Variants in PTPRM observed in about 807,000 individuals in gnomAD.
The protein encoded by PTPRM is receptor-type tyrosine-protein phosphatase mu.
A neutral mutation model predicts 186.7 loss-of-function variants in PTPRM; 47 were observed. The observed-to-expected ratio is 0.25, with a 90% CI of 0.20 to 0.32. The LOEUF (loss-of-function observed/expected upper bound fraction) is 0.32, where lower values mean the gene tolerates loss of function less well. Among genes scored for constraint, PTPRM ranks in the 10% least tolerant of loss-of-function variants. The pLI is 1.00. For missense variants in PTPRM, 1,494 were observed against 1,865.0 expected (o/e 0.80, Z 3.66); for synonymous variants, 668 against 674.9 (o/e 0.99, Z 0.16).
chr18:7,830,063 C>A (rs2045682318), intron 2 of PTPRM, among the ~76,000 whole-genome samples: 1 of 152,158 alleles, frequency 6.6e-6, no homozygotes, highest in African/African-American at 2.4e-5. Context: ...ATCTCGTTAA[C>A]CTAATTCAAT....
chr18:8,311,573 C>T (rs2095268963), intron 20 of PTPRM, among the ~76,000 whole-genome samples: 1 of 151,988 alleles, frequency 6.6e-6, no homozygotes, highest in Non-Finnish European at 1.5e-5. Context: ...TGTCTCTGAC[C>T]ACAGGACATT....
At chr18:8,357,596 A>G (rs2095570347) in intron 23 of PTPRM, among the ~76,000 whole-genome samples, 1 of 152,036 alleles carries the variant, frequency 6.6e-6, no homozygotes, top group Admixed American at 6.6e-5. Context: ...GAAGATATCT[A>G]TGCATGCCCC....
chr18:8,375,473 A>G (rs1280728910), intron 24 of PTPRM, among the ~76,000 whole-genome samples: 1 of 152,226 alleles, frequency 6.6e-6, no homozygotes, highest in African/African-American at 2.4e-5. Flanking sequence ...CAGAGCTGTA[A>G]ATGCAAATGA....
At chr18:8,127,790 C>T (rs193114672) in intron 13 of PTPRM, among the ~76,000 whole-genome samples, 21 of 152,226 alleles carry the variant, frequency 1.4e-4, no homozygotes, top group Admixed American at 5.2e-4. Context: ...TCCATCGATG[C>T]GCTTTCACCC....
chr18:7,981,209 C>T (rs1182909905), intron 7 of PTPRM, among the ~76,000 whole-genome samples: 1 of 152,128 alleles, frequency 6.6e-6, no homozygotes, highest in Non-Finnish European at 1.5e-5. Flanking sequence ...AATATCCCCT[C>T]CTCAGGGAGG....
chr18:8,286,829 C>A (rs1400210624), intron 19 of PTPRM, among the ~76,000 whole-genome samples: 1 of 151,816 alleles, frequency 6.6e-6, no homozygotes, highest in Admixed American at 6.6e-5. Context: ...CTTTAGTTAC[C>A]ATGACTTAAG....
chr18:7,957,555 A>G (rs1237174051), intron 7 of PTPRM, among the ~76,000 whole-genome samples: 1 of 152,156 alleles, frequency 6.6e-6, no homozygotes, highest in African/African-American at 2.4e-5. Flanking sequence ...CTGTGCTGGC[A>G]TGGAGTCACC....
At chr18:7,626,700 A>G (rs1218527559) in intron 1 of PTPRM, among the ~76,000 whole-genome samples, 1 of 151,896 alleles carries the variant, frequency 6.6e-6, no homozygotes, top group African/African-American at 2.4e-5. Context: ...TGGGTTATTT[A>G]TTTATTTTTA....
At chr18:8,388,889 A>G (rs936909615) in intron 31 of PTPRM, among the ~76,000 whole-genome samples, 1 of 152,096 alleles carries the variant, frequency 6.6e-6, no homozygotes, top group African/African-American at 2.4e-5. Context: ...TGAACCCGGG[A>G]GGCGGAGCTT....
At chr18:8,327,101 G>A (rs1298825580) in intron 22 of PTPRM, among the ~76,000 whole-genome samples, 1 of 152,184 alleles carries the variant, frequency 6.6e-6, no homozygotes, top group Non-Finnish European at 1.5e-5. Flanking sequence ...AACTTAAACT[G>A]TGCATAGTTA....
At chr18:7,879,605 C>T (rs34678342) in intron 2 of PTPRM, among the ~76,000 whole-genome samples, 8,164 of 152,086 alleles carry the variant, frequency 0.054, 335 homozygotes, top group Non-Finnish European at 0.084. Context: ...TAAAAATGGC[C>T]GTTCAGTTGT....
At chr18:7,878,552 G>A (rs1021284166) in intron 2 of PTPRM, among the ~76,000 whole-genome samples, 2 of 152,184 alleles carry the variant, frequency 1.3e-5, no homozygotes, top group South Asian at 4.1e-4. Context: ...GATTTAGCAA[G>A]CTTCTTCTGA....
At chr18:8,296,682 G>A (rs1464823821) in intron 20 of PTPRM, among the ~76,000 whole-genome samples, 2 of 152,244 alleles carry the variant, frequency 1.3e-5, no homozygotes, top group Admixed American at 6.5e-5. Context: ...TAAGGTTTGG[G>A]TAACACAGGT....
chr18:7,903,116 T>C (rs2049787571), intron 3 of PTPRM, among the ~76,000 whole-genome samples: 1 of 152,236 alleles, frequency 6.6e-6, no homozygotes. Flanking sequence ...TTTCTTCAGC[T>C]GTTCTATCCA....
intron 20 of PTPRM, among the ~76,000 whole-genome samples, chr18:8,310,583 A>G (rs527620660): frequency 6.6e-6 from 1 of 151,156 alleles, no homozygotes; most frequent in Non-Finnish European, 1.5e-5. Context: ...TCATGGTTTG[A>G]GCTTCAATGT....
intron 1 of PTPRM, among the ~76,000 whole-genome samples, chr18:7,680,974 G>A (rs553329817): frequency 4.6e-5 from 7 of 152,218 alleles, no homozygotes; most frequent in African/African-American, 1.4e-4. Context: ...AGAGCTGTTT[G>A]GATCTTGGAA....
intron 21 of PTPRM, among the ~76,000 whole-genome samples, chr18:8,315,771 T>G (rs752830486): frequency 6.6e-6 from 1 of 152,200 alleles, no homozygotes; most frequent in Non-Finnish European, 1.5e-5. Flanking sequence ...CTAAGAAAGT[T>G]ATCTAAAAAT....
At chr18:8,059,274 A>C (rs1338039738) in intron 7 of PTPRM, among the ~76,000 whole-genome samples, 26 of 82,916 alleles carry the variant, frequency 3.1e-4, no homozygotes, top group Non-Finnish European at 6.1e-4. Flanking sequence ...TTGGTGTATA[A>C]GAATGCTTGT....
At chr18:7,705,321 A>ATCTGTCTGTCTG (rs1470113131) in intron 1 of PTPRM, among the ~76,000 whole-genome samples, 4 of 143,188 alleles carry the variant, frequency 2.8e-5, no homozygotes, top group African/African-American at 1.0e-4. Context: ...CTATCTATCT[A>ATCTGTCTGTCTG]TCTATCTGTC....
Sources: allele counts gnomAD v4.1 joint callset (sites outside exome capture counted in the v4.1 genomes callset), GRCh38; gene constraint gnomAD v4.1.1; transcripts MANE v1.5; gene names NCBI Gene and HGNC (gene_info 2026-07-23, HGNC 2026-07-21).